Variants in SLC8B1 observed in about 807,000 individuals in gnomAD.
SLC8B1 encodes solute carrier family 8 member B1.
In SLC8B1, 52 loss-of-function variants were observed where a neutral mutation model predicts 63.4. That is an observed-to-expected ratio of 0.82 (90% CI 0.66 to 1.03). The LOEUF is 1.03. Among genes scored for constraint, SLC8B1 ranks in the 50% least tolerant of loss-of-function variants. The pLI is 0.00. For missense variants in SLC8B1, 657 were observed against 741.7 expected (o/e 0.89, Z 1.33); for synonymous variants, 336 against 323.9 (o/e 1.04, Z -0.40).
At position 113,306,042 on chromosome 12, in the gene SLC8B1, G is replaced by A. The variant is rs181375072; in HGVS notation, c.1492+453C>T. Among the ~76,000 whole-genome samples the A allele has an allele frequency of 6.4e-4, 78 of 121,572 alleles. 1 individual carries two copies. The East Asian group carries it at 0.019, about 30-fold the overall frequency. The allele number at this position is 121,572 out of a possible 152,430, so 79.8% of individuals were successfully genotyped here. A position where few individuals can be genotyped will look rare whatever the true frequency, so the allele number is the denominator to read the frequency against. ...CCACCGCACTCCAGCCTGGGCAACC[G>A]AGCCAGACTCCGTCCCCACCCTGCA... On this transcript the variant is annotated intron_variant, in intron 14 of 15. Coordinates refer to ENST00000680972, the MANE Select transcript of SLC8B1 (RefSeq NM_001358345.2).
chr12:113,308,268 C>T (rs1593240987), intron 12 of SLC8B1: 1 of 167,228 alleles, frequency 6.0e-6, no homozygotes, highest in Non-Finnish European at 1.3e-5. Flanking sequence ...ATCGCTTGAA[C>T]CCGGGAGGCA....
rs368813080 is a variant in SLC8B1, at chr12:113,304,371, C to T, written c.1507G>A (p.Val503Met). The T allele has an allele frequency of 4.3e-6, 7 of 1,613,898 alleles. No individual in the cohort carries two copies. Among genetic ancestry groups the T allele is most frequent in the African/African-American group, 2.7e-5 (2 of 74,930 alleles). ...ATCTGGAGCAGGCAGCCCAGCCCCA[C>T]ACCCACGAGGATGTCTGCAGCCCAG... is the stretch of plus-strand genomic sequence containing the variant. ...GGIIFNILVG[V>M]GLGCLLQISR... Residue 503 changes from valine (V) to methionine (M), a missense_variant, in exon 15 of 16, where the codon GTG becomes ATG. Physicochemically the swap from Val to Met is conservative, Grantham distance 21. Coordinates refer to ENST00000680972, the MANE Select transcript of SLC8B1 (RefSeq NM_001358345.2).
intron 15 of SLC8B1, among the ~76,000 whole-genome samples, chr12:113,303,085 C>CACA (rs1956617236): frequency 6.7e-6 from 1 of 149,400 alleles, no homozygotes; most frequent in Non-Finnish European, 1.5e-5. Context: ...CACACACACA[C>CACA]ACTTCCTAAA....
At chr12:113,309,038 A>G (rs986809902) in intron 12 of SLC8B1, among the ~76,000 whole-genome samples, 1 of 148,956 alleles carries the variant, frequency 6.7e-6, no homozygotes, top group African/African-American at 2.5e-5. Context: ...ATTTTTTAGT[A>G]GAGACAGGGT....
Position 113,321,342 on chromosome 12 carries a change from T to C in SLC8B1, c.163A>G (p.Lys55Glu), listed in dbSNP as rs781730816. 6.2e-7 allele frequency: 1 copy of C among 1,614,050 alleles called. No individual in the cohort carries two copies. The highest frequency in any genetic ancestry group is 1.1e-5 in the South Asian group (1 of 91,070). Reference sequence around the variant, plus strand: ...TCAGAGACATTCAGGCCACACACCTTGCGGCACTGCAGGAAGACAGGGAGG... The same window carrying C: ...TCAGAGACATTCAGGCCACACACCTCGCGGCACTGCAGGAAGACAGGGAGG... ...VNQTPVVDCRKVCGLNVSDRC... is the reference protein window; with the variant it reads ...VNQTPVVDCREVCGLNVSDRC... Residue 55 changes from lysine to glutamate, a missense_variant, in exon 3 of 16, where the codon AAG (lysine) becomes GAG (glutamate). Transcript: ENST00000680972.
At chr12:113,308,185 A>G (rs1039687703) in intron 12 of SLC8B1, 5 of 218,028 alleles carry the variant, frequency 2.3e-5, no homozygotes, top group Non-Finnish European at 4.6e-5. Flanking sequence ...TGTCTCTACT[A>G]AAAATACAAA....
rs748124424 is a variant in SLC8B1 at position 113,299,770 on chromosome 12, G to T, written c.*7C>A. ...TGCAGTGAGGCCACAGCACTAAGCG[G>T]CTTCAGTCACATGCTTTTCAGGTGA... On this transcript the variant is annotated 3_prime_UTR_variant, in exon 16 of 16. Transcript: ENST00000680972. 6 of 1,613,972 alleles carry T rather than the reference G, an allele frequency of 3.7e-6. No individual in the cohort carries two copies. Among genetic ancestry groups the T allele is most frequent in the Non-Finnish European group, 5.1e-6 (6 of 1,179,922 alleles).
In SLC8B1 at chr12:113,316,625, C is replaced by T; in HGVS notation, c.894G>A (p.Gln298=). ...GDEYRPLFFY[Q]ETTAQILVRA... is the part of the protein sequence containing the mutation. ...GGACCAGGATCTGAGCCGTGGTCTC[C>T]TGGTAGAAGAACAGCGGCCGGTACT... The change falls in exon 10 of 16, where the codon CAG becomes CAA. Residue 298 remains glutamine (Q), a synonymous_variant. Transcript: ENST00000680972. 2 of 1,614,090 alleles carry T rather than the reference C, an allele frequency of 1.2e-6. No individual in the cohort carries two copies. The highest frequency in any genetic ancestry group is 1.7e-6 in the Non-Finnish European group (2 of 1,180,040).
chr12:113,299,553 A>G lies in SLC8B1; in HGVS notation c.*224T>C, dbSNP rs1459165008. 1.6e-5 allele frequency: 9 copies of G among 555,748 alleles called. No individual in the cohort carries two copies. Among genetic ancestry groups the G allele is most frequent in the Non-Finnish European group, 2.6e-5 (8 of 309,442 alleles). 34.4% of individuals were successfully genotyped at this position (555,748 alleles called of 1,614,324 possible). ...TCTCTGGAACCCTTTGTCCAGAGCA[A>G]AGCCAGGTTTCCAAGGTCCCCACGG... On this transcript the variant is annotated 3_prime_UTR_variant, in exon 16 of 16. Coordinates refer to ENST00000680972, the MANE Select transcript of SLC8B1 (RefSeq NM_001358345.2).
chr12:113,323,251 A>T (rs1956954912), intron 2 of SLC8B1, among the ~76,000 whole-genome samples: 1 of 152,232 alleles, frequency 6.6e-6, no homozygotes, highest in Non-Finnish European at 1.5e-5. Flanking sequence ...CAAGGCCCTG[A>T]CAAGGGATCT....
intron 2 of SLC8B1, among the ~76,000 whole-genome samples, chr12:113,327,979 C>CAAAAAAAA (rs76685425): frequency 2.0e-4 from 17 of 86,692 alleles, no homozygotes; most frequent in African/African-American, 5.1e-4. Flanking sequence ...ACTACGTCTC[C>CAAAAAAAA]AAAAAAAAAA....
At chr12:113,325,099 T>C (rs1361870689) in intron 2 of SLC8B1, among the ~76,000 whole-genome samples, 1 of 152,174 alleles carries the variant, frequency 6.6e-6, no homozygotes, top group South Asian at 2.1e-4. Flanking sequence ...ACCAACCCCA[T>C]TGATAAAAGA....
intron 2 of SLC8B1, among the ~76,000 whole-genome samples, chr12:113,332,317 G>A (rs1354683424): frequency 6.6e-6 from 1 of 152,188 alleles, no homozygotes; most frequent in Non-Finnish European, 1.5e-5. Context: ...CGCCGCCCAG[G>A]CTGGAGTGCA....
At chr12:113,321,470 T>C in intron 2 of SLC8B1, 122 bp from the exon 3 acceptor site, 4 of 1,274,442 alleles carry the variant, frequency 3.1e-6, no homozygotes, top group South Asian at 1.4e-5. Flanking sequence ...CCATACCCTC[T>C]GGGTGCCAAC....
At chr12:113,315,533 C>G in intron 10 of SLC8B1, 57 bp from the exon 11 acceptor site, 1 of 1,482,808 alleles carries the variant, frequency 6.7e-7, no homozygotes, top group Admixed American at 2.3e-5. Context: ...TCCCAGCCGG[C>G]CACAGATGGA....
At chr12:113,306,626 C>T in intron 13 of SLC8B1, 51 bp from the exon 14 acceptor site, 1 of 1,461,656 alleles carries the variant, frequency 6.8e-7, no homozygotes, top group East Asian at 2.3e-5. Flanking sequence ...CCCCCACCCT[C>T]CCTGGTCATC....
intron 11 of SLC8B1, 136 bp from the exon 12 acceptor site, chr12:113,310,491 T>A: frequency 8.7e-7 from 1 of 1,145,148 alleles, no homozygotes; most frequent in Non-Finnish European, 1.2e-6. Flanking sequence ...CAGAAAAATT[T>A]AAAATGCAGC....
At chr12:113,302,683 C>T (rs987032381) in intron 15 of SLC8B1, 4 of 456,024 alleles carry the variant, frequency 8.8e-6, no homozygotes, top group African/African-American at 4.0e-5. Flanking sequence ...TCTTCCCAGC[C>T]ACCTGCATCC....
At chr12:113,317,505 G>A (rs1956849946) in intron 8 of SLC8B1, among the ~76,000 whole-genome samples, 1 of 152,218 alleles carries the variant, frequency 6.6e-6, no homozygotes, top group South Asian at 2.1e-4. Context: ...CAGCTATAAT[G>A]CTAAAGTTAA....
Sources: gnomAD v4.1 joint callset for allele counts (sites outside exome capture counted in the v4.1 genomes callset) on GRCh38, gnomAD v4.1.1 for gene constraint, MANE v1.5 for transcripts, NCBI Gene and HGNC (gene_info 2026-07-23, HGNC 2026-07-21) for gene names.